Variants in SLC38A6 observed in about 807,000 individuals in gnomAD.
SLC38A6 encodes the protein N system amino acid transporter NAT-1.
A neutral mutation model predicts 65.0 loss-of-function variants in SLC38A6; 73 were observed. The observed-to-expected ratio is 1.12, with a 90% CI of 0.93 to 1.37. The LOEUF is 1.37. Among genes scored for constraint, SLC38A6 ranks in the 40% most tolerant of loss-of-function variants. SLC38A6 has a pLI of 0.00. For missense variants in SLC38A6, 561 were observed against 531.1 expected (o/e 1.06, Z -0.55); for synonymous variants, 183 against 178.8 (o/e 1.02, Z -0.19).
chr14:60,997,113 T>C (rs766449142), intron 3 of SLC38A6, among the ~76,000 whole-genome samples: 2 of 152,084 alleles, frequency 1.3e-5, no homozygotes, highest in Non-Finnish European at 2.9e-5. Context: ...ATTGGAGTTG[T>C]GAGGTTTTTT....
intron 15 of SLC38A6, among the ~76,000 whole-genome samples, chr14:61,078,422 C>G (rs2043506185): frequency 1.3e-5 from 2 of 152,148 alleles, no homozygotes; most frequent in African/African-American, 4.8e-5. Flanking sequence ...GCCAGGAGCA[C>G]AGATGTAATA....
intron 6 of SLC38A6, 75 bp downstream of exon 6, chr14:61,030,598 T>A: frequency 2.0e-6 from 2 of 990,714 alleles, no homozygotes; most frequent in Non-Finnish European, 3.1e-6. Flanking sequence ...TAAATGGCAA[T>A]ACTTGTAGTG....
At chr14:61,034,764 T>G (rs1016833990) in intron 6 of SLC38A6, among the ~76,000 whole-genome samples, 4 of 152,170 alleles carry the variant, frequency 2.6e-5, no homozygotes, top group Admixed American at 6.6e-5. Flanking sequence ...CATGTGCAAA[T>G]GGAGAGAGCA....
intron 16 of SLC38A6, among the ~76,000 whole-genome samples, chr14:61,080,428 A>T (rs1657037890): frequency 6.6e-6 from 1 of 151,898 alleles, no homozygotes. Context: ...TTTGGAGCTG[A>T]CTCTCTCCTT....
Position 61,050,564 on chromosome 14 carries a change from T to A in SLC38A6, c.978T>A (p.Asp326Glu). Reference protein sequence around the residue: ...LKGYSKYLSHDVVVMTVKLCI... With the variant: ...LKGYSKYLSHEVVVMTVKLCI... The stretch of plus-strand genomic sequence containing the variant: ...GTTATAGTAAATACTTATCACATGA[T>A]GTTGTTGTCATGACTGTGAAGTTAT... The change falls in exon 13 of 16, where the codon GAT (aspartate) becomes GAA (glutamate). Residue 326 changes from aspartate to glutamate, a missense_variant. By Grantham distance (45) the Asp-to-Glu change is conservative. Coordinates refer to ENST00000267488, the MANE Select transcript of SLC38A6 (RefSeq NM_153811.3). 6.3e-7 allele frequency: 1 copy of A among 1,593,872 alleles called. No homozygotes were observed. The highest frequency in any genetic ancestry group is 8.6e-7 in the Non-Finnish European group (1 of 1,165,548).
intron 3 of SLC38A6, among the ~76,000 whole-genome samples, chr14:60,987,812 A>G (rs1177979648): frequency 6.6e-6 from 1 of 152,122 alleles, no homozygotes; most frequent in Admixed American, 6.5e-5. Context: ...AACTCTGCAT[A>G]CCTCTGGCCG....
chr14:61,066,439 G>T (rs913894639), intron 15 of SLC38A6, among the ~76,000 whole-genome samples: 1 of 152,124 alleles, frequency 6.6e-6, no homozygotes, highest in Non-Finnish European at 1.5e-5. Flanking sequence ...GGCCAGGTGG[G>T]CAGGTGGGAA....
chr14:61,065,292 T>C (rs1465827767), intron 15 of SLC38A6, among the ~76,000 whole-genome samples: 1 of 152,224 alleles, frequency 6.6e-6, no homozygotes, highest in Admixed American at 6.5e-5. Context: ...CTTTGTTTGC[T>C]ACTGTACTGT....
At chr14:60,994,704 CAAA>C (rs113876678) in intron 3 of SLC38A6, among the ~76,000 whole-genome samples, 7 of 93,086 alleles carry the variant, frequency 7.5e-5, no homozygotes, top group African/African-American at 8.0e-5. Flanking sequence ...AACCTCGTCT[CAAA>C]AAAAAAAAAA....
At chr14:61,032,032 C>A (rs1413985506) in intron 6 of SLC38A6, among the ~76,000 whole-genome samples, 1 of 151,738 alleles carries the variant, frequency 6.6e-6, no homozygotes, top group Non-Finnish European at 1.5e-5. Flanking sequence ...ATGCTAATAG[C>A]ATGTGTATAA....
At chr14:61,019,486 G>T in intron 4 of SLC38A6, 55 bp from the exon 5 acceptor site, 1 of 1,555,666 alleles carries the variant, frequency 6.4e-7, no homozygotes, top group Non-Finnish European at 8.8e-7. Flanking sequence ...ATAAAATACT[G>T]ATCCTTTTAT....
intron 15 of SLC38A6, among the ~76,000 whole-genome samples, chr14:61,069,643 T>G (rs1161462520): frequency 6.6e-6 from 1 of 152,198 alleles, no homozygotes; most frequent in Non-Finnish European, 1.5e-5. Context: ...GTAAACACTT[T>G]ATTCTCCACT....
At chr14:61,022,511 C>A (rs912687472) in intron 5 of SLC38A6, among the ~76,000 whole-genome samples, 1 of 149,848 alleles carries the variant, frequency 6.7e-6, no homozygotes, top group South Asian at 2.1e-4. Context: ...ATAAGTTAAT[C>A]GTACAATGAC....
chr14:61,083,230 C>T (rs1254416438), intron 16 of SLC38A6, among the ~76,000 whole-genome samples: 2 of 152,218 alleles, frequency 1.3e-5, no homozygotes, highest in African/African-American at 4.8e-5. Flanking sequence ...AAGGTGTCTG[C>T]TGCCTCCTCC....
At chr14:61,048,983 A>G (rs1213444163) in intron 12 of SLC38A6, among the ~76,000 whole-genome samples, 2 of 152,188 alleles carry the variant, frequency 1.3e-5, no homozygotes, top group African/African-American at 4.8e-5. Flanking sequence ...TTAGTCTCCT[A>G]CTTAGTCCAA....
intron 5 of SLC38A6, among the ~76,000 whole-genome samples, chr14:61,020,260 T>C (rs1452204635): frequency 6.6e-6 from 1 of 152,138 alleles, no homozygotes; most frequent in Non-Finnish European, 1.5e-5. Context: ...TGCTGAACAA[T>C]ATCTTCGTTT....
chr14:61,052,410 T>TAA lies in SLC38A6; in HGVS notation c.1352_1353insAA (p.Phe451LeufsTer22), dbSNP rs1353198289. On this transcript the variant is annotated frameshift_variant, in exon 16 of 16. Transcript: ENST00000267488. LOFTEE classifies it high-confidence loss of function. ...AATTTTAGTTTAGCACTCATCATTT[T>TAA]TGATTGGATTAATAAATAAAAGAAA... 1 of 1,572,240 alleles carries TAA rather than the reference T, an allele frequency of 6.4e-7. No homozygotes were observed. The highest frequency in any genetic ancestry group is 8.6e-7 in the Non-Finnish European group (1 of 1,162,220).
intron 3 of SLC38A6, among the ~76,000 whole-genome samples, chr14:61,006,990 G>A (rs541251910): frequency 2.0e-5 from 3 of 152,278 alleles, no homozygotes; most frequent in African/African-American, 7.2e-5. Context: ...ATACTATGCA[G>A]CCATAAAAAA....
chr14:60,983,154 T>A (rs747843351), intron 2 of SLC38A6, among the ~76,000 whole-genome samples: 21 of 152,228 alleles, frequency 1.4e-4, no homozygotes, highest in Non-Finnish European at 2.8e-4. Flanking sequence ...TATTCTGTGC[T>A]TTCATAGTAC....
Sources: gnomAD v4.1 joint callset for allele counts (sites outside exome capture counted in the v4.1 genomes callset) on GRCh38, gnomAD v4.1.1 for gene constraint, MANE v1.5 for transcripts, NCBI Gene and HGNC (gene_info 2026-07-23, HGNC 2026-07-21) for gene names.